SEMA3A: variants seen among roughly 807,000 people sequenced by gnomAD.
The protein encoded by SEMA3A is semaphorin-3A.
A neutral mutation model predicts 97.9 loss-of-function variants in SEMA3A; 29 were observed. The observed-to-expected ratio is 0.30, with a 90% confidence interval of 0.22 to 0.40. The LOEUF (loss-of-function observed/expected upper bound fraction) is 0.40, where lower values mean the gene tolerates loss of function less well. Ranked by LOEUF, SEMA3A falls within the 10% of genes least tolerant of loss-of-function variation. The pLI, the probability that SEMA3A is intolerant of heterozygous loss-of-function variation, is 1.00. For missense variants in SEMA3A, 763 were observed against 951.3 expected (o/e 0.80, Z 2.60); for synonymous variants, 321 against 323.7 (o/e 0.99, Z 0.09).
At chr7:84,232,212 C>T (rs1799131564) in intron 3 of SEMA3A, among the ~76,000 whole-genome samples, 1 of 148,798 alleles carries the variant, frequency 6.7e-6, no homozygotes, top group Non-Finnish European at 1.5e-5. Flanking sequence ...CTAAATATGA[C>T]AAAGCATTTA....
chr7:84,486,268 A>T (rs1806571981), intron 1 of SEMA3A, among the ~76,000 whole-genome samples: 1 of 152,096 alleles, frequency 6.6e-6, no homozygotes, highest in South Asian at 2.1e-4. Context: ...TGTGCCTGTA[A>T]TCTCAGCTAC....
intron 1 of SEMA3A, among the ~76,000 whole-genome samples, chr7:84,166,503 G>A (rs1262900895): frequency 6.0e-5 from 9 of 149,740 alleles, no homozygotes; most frequent in East Asian, 5.9e-4. Context: ...CCCAGGAGGC[G>A]GAGGTTGCAG....
chr7:84,238,230 C>A (rs1388244534), intron 3 of SEMA3A, among the ~76,000 whole-genome samples: 1 of 152,028 alleles, frequency 6.6e-6, no homozygotes, highest in Non-Finnish European at 1.5e-5. Flanking sequence ...CCACACCAGG[C>A]TAATTTTTGT....
At chr7:84,066,178 T>C (rs1275385998) in intron 4 of SEMA3A, among the ~76,000 whole-genome samples, 1 of 151,938 alleles carries the variant, frequency 6.6e-6, no homozygotes, top group Non-Finnish European at 1.5e-5. Flanking sequence ...ACCACATGAT[T>C]ATCGCAATAG....
chr7:84,161,319 A>T (rs1158565259), intron 1 of SEMA3A, among the ~76,000 whole-genome samples: 1 of 151,356 alleles, frequency 6.6e-6, no homozygotes, highest in African/African-American at 2.4e-5. Context: ...AGCCAGGATC[A>T]CGCCATTGCA....
At chr7:84,221,604 C>T (rs1798883289) in intron 3 of SEMA3A, among the ~76,000 whole-genome samples, 1 of 151,960 alleles carries the variant, frequency 6.6e-6, no homozygotes, top group Non-Finnish European at 1.5e-5. Context: ...AATTTAAATA[C>T]TGAAATTATT....
At position 84,360,589 on chromosome 7, in the gene SEMA3A, T is replaced by C. The variant is rs1289362686; in HGVS notation, c.-169+11235A>G. On this transcript the variant is annotated intron_variant, in intron 2 of 3. Coordinates refer to the SEMA3A transcript ENST00000424555. The stretch of plus-strand genomic sequence containing the variant: ...GAAGGTGTTACATTTAAGCAGATTA[T>C]AGTTTTAAAACTATTAGCACATTTT... 5.9e-5 allele frequency among the ~76,000 whole-genome samples: 9 copies of C among 152,198 alleles called. No homozygotes were observed. The Middle Eastern group carries it at 0.01, about 173-fold the overall frequency.
chr7:84,070,488 G>C (rs1024092206), intron 4 of SEMA3A, among the ~76,000 whole-genome samples: 5 of 152,034 alleles, frequency 3.3e-5, no homozygotes, highest in Non-Finnish European at 7.4e-5. Context: ...TAGTTGTTGT[G>C]TTTAATGATT....
intron 1 of SEMA3A, among the ~76,000 whole-genome samples, chr7:84,144,300 A>G (rs977760413): frequency 3.3e-5 from 5 of 152,120 alleles, no homozygotes; most frequent in African/African-American, 4.8e-5. Flanking sequence ...GAAGGAGGAA[A>G]TAAGTTCACT....
At chr7:84,361,106 G>A (rs895071151) in intron 2 of SEMA3A, among the ~76,000 whole-genome samples, 6 of 151,904 alleles carry the variant, frequency 3.9e-5, no homozygotes, top group African/African-American at 1.5e-4. Flanking sequence ...AAATTTTATT[G>A]TGAGAGATAA....
intron 1 of SEMA3A, among the ~76,000 whole-genome samples, chr7:84,190,630 T>C (rs1049339156): frequency 6.6e-6 from 1 of 150,478 alleles, no homozygotes; most frequent in East Asian, 1.9e-4. Flanking sequence ...CCCTATCTTA[T>C]ACTATTATGT....
chr7:84,410,924 T>C (rs2116249175), intron 1 of SEMA3A, among the ~76,000 whole-genome samples: 1 of 152,270 alleles, frequency 6.6e-6, no homozygotes, highest in East Asian at 1.9e-4. Flanking sequence ...AACTATTAGA[T>C]AGAACTTACT....
At chr7:84,404,483 C>T (rs1015522851) in intron 1 of SEMA3A, among the ~76,000 whole-genome samples, 31 of 152,088 alleles carry the variant, frequency 2.0e-4, no homozygotes, top group African/African-American at 7.2e-4. Context: ...GGATATTATC[C>T]AGGAGAACTT....
chr7:84,020,699 G>A (rs1791296257), intron 6 of SEMA3A, among the ~76,000 whole-genome samples: 1 of 151,622 alleles, frequency 6.6e-6, no homozygotes, highest in African/African-American at 2.4e-5. Flanking sequence ...CTTTTTCACT[G>A]CTCTAAATTT....
chr7:84,473,257 C>T lies in SEMA3A; in HGVS notation c.-246+19203G>A, dbSNP rs1000913264. On this transcript the variant is annotated intron_variant, in intron 1 of 3. Transcript: ENST00000424555. ...TATTATAAATTTTTGTGTTTAGTCA[C>T]TTTTTTATTCTCTATAACTATAACT... is the stretch of plus-strand genomic sequence containing the variant. Among the ~76,000 whole-genome samples, 3 of 150,576 alleles carry T rather than the reference C, an allele frequency of 2.0e-5. No homozygotes were observed. In the South Asian group the frequency reaches 6.3e-4, roughly 31 times the overall value.
At chr7:84,380,077 A>G (rs1803218182) in intron 1 of SEMA3A, among the ~76,000 whole-genome samples, 1 of 152,218 alleles carries the variant, frequency 6.6e-6, no homozygotes, top group Non-Finnish European at 1.5e-5. Context: ...TTTTGTGTGC[A>G]TTCAAAAAGA....
chr7:84,123,825 ATGAG>A (rs1795708631), intron 3 of SEMA3A, among the ~76,000 whole-genome samples: 1 of 149,190 alleles, frequency 6.7e-6, no homozygotes, highest in Admixed American at 6.7e-5. Flanking sequence ...ATATATATAT[ATGAG>A]AGAGAGAGAG....
chr7:84,071,615 A>T (rs1793745141), intron 4 of SEMA3A, among the ~76,000 whole-genome samples: 4 of 152,152 alleles, frequency 2.6e-5, no homozygotes. Flanking sequence ...TGCACAGTAC[A>T]TTAAATGTCC....
chr7:84,315,024 T>C (rs1801459902), intron 2 of SEMA3A, among the ~76,000 whole-genome samples: 1 of 152,168 alleles, frequency 6.6e-6, no homozygotes, highest in Non-Finnish European at 1.5e-5. Flanking sequence ...GGAGAAGCTT[T>C]TGGTTTGCTA....
Sources: gnomAD v4.1 joint callset for allele counts (sites outside exome capture counted in the v4.1 genomes callset) on GRCh38, gnomAD v4.1.1 for gene constraint, MANE v1.5 for transcripts, NCBI Gene and HGNC (gene_info 2026-07-23, HGNC 2026-07-21) for gene names.